The following PTGER3 variants were observed in gnomAD, a reference collection of about 807,000 sequenced individuals.
The protein encoded by PTGER3 is prostaglandin E2 receptor EP3 subtype.
Under a neutral mutation model 34.7 loss-of-function variants are expected in PTGER3, and 22 were observed. The observed-to-expected ratio is 0.63, with a 90% CI of 0.45 to 0.91. The LOEUF (loss-of-function observed/expected upper bound fraction) is 0.91, where lower values mean the gene tolerates loss of function less well. Among genes scored for constraint, PTGER3 ranks in the 40% least tolerant of loss-of-function variants. The probability of loss-of-function intolerance (pLI) is 0.00; values close to 1 mark genes in which losing one functional copy is unlikely to be tolerated. For synonymous variants in PTGER3, 241 were observed against 230.1 expected, an observed-to-expected ratio of 1.05 and a Z score of -0.43; for missense variants, 468 against 519.4, an observed-to-expected ratio of 0.90 and a Z score of 0.96.
At chr1:70,982,214 T>A (rs1654445420) in intron 2 of PTGER3, among the ~76,000 whole-genome samples, 1 of 152,200 alleles carries the variant, frequency 6.6e-6, no homozygotes, top group Non-Finnish European at 1.5e-5. Context: ...TTTTTCTCCA[T>A]GAAATTATTC....
At chr1:70,876,276 A>G (rs904457095) in intron 4 of PTGER3, among the ~76,000 whole-genome samples, 1 of 146,334 alleles carries the variant, frequency 6.8e-6, no homozygotes, top group Non-Finnish European at 1.5e-5. Context: ...CCTACTTTTT[A>G]ATGGGTTTTT....
chr1:70,889,180 C>A (rs1241361122), intron 4 of PTGER3, among the ~76,000 whole-genome samples: 2 of 151,858 alleles, frequency 1.3e-5, no homozygotes, highest in African/African-American at 4.8e-5. Flanking sequence ...TGTTGGGAGG[C>A]CGAGGTGGGT....
chr1:70,996,077 G>A (rs1655910454), intron 2 of PTGER3, among the ~76,000 whole-genome samples: 1 of 152,038 alleles, frequency 6.6e-6, no homozygotes, highest in Non-Finnish European at 1.5e-5. Context: ...CTTCCATAAG[G>A]CTACTCATTG....
chr1:70,893,268 G>T (rs542264512), intron 4 of PTGER3, among the ~76,000 whole-genome samples: 20 of 152,302 alleles, frequency 1.3e-4, no homozygotes, highest in Non-Finnish European at 2.6e-4. Context: ...CAGATGAGAA[G>T]CTGATGCTTA....
intron 2 of PTGER3, chr1:71,005,815 A>C (rs1291037153): frequency 2.1e-6 from 2 of 945,732 alleles, no homozygotes; most frequent in African/African-American, 3.6e-5. Flanking sequence ...GTTTACCAGC[A>C]TGATGGTGGA....
At chr1:71,010,707 A>T in intron 2 of PTGER3, 1 of 984,602 alleles carries the variant, frequency 1.0e-6, no homozygotes. Context: ...TCTATTTATC[A>T]CCTTTTCCAA....
intron 2 of PTGER3, chr1:71,008,624 CA>C (rs1657177203): frequency 1.0e-6 from 1 of 984,886 alleles, no homozygotes. Flanking sequence ...ACATCACAGA[CA>C]TCTGTCACTT....
downstream of PTGER3, chr1:70,950,967 C>T (rs983961111): frequency 3.9e-5 from 6 of 152,164 alleles, no homozygotes; most frequent in African/African-American, 1.2e-4. Context: ...CTGCCTGCCT[C>T]GGCCTCCAAA....
Position 70,993,743 on chromosome 1 carries a change from T to A in PTGER3, c.1077+18562A>T, listed in dbSNP as rs1445685767. 2.0e-5 allele frequency among the ~76,000 whole-genome samples: 3 copies of A among 152,078 alleles called. No homozygotes were observed. The East Asian group carries it at 5.8e-4, about 29-fold the overall frequency. On this transcript the variant is annotated intron_variant, in intron 2 of 3. Coordinates refer to ENST00000306666, the MANE Select transcript of PTGER3 (RefSeq NM_198719.2). ...GGTTAAGTATAGTAATAAGCAGAAA[T>A]TAGAAGCTGAATGCAAACCGAGTGA...
chr1:71,010,678 TAGAG>T, intron 2 of PTGER3: 1 of 984,002 alleles, frequency 1.0e-6, no homozygotes, highest in Middle Eastern at 5.2e-4. Flanking sequence ...TTCTATGGCA[TAGAG>T]AGATTTTAGT....
At chr1:70,888,861 G>A (rs142337028) in intron 4 of PTGER3, among the ~76,000 whole-genome samples, 4 of 152,144 alleles carry the variant, frequency 2.6e-5, no homozygotes, top group African/African-American at 7.2e-5. Flanking sequence ...TTTGGGATTC[G>A]CCTTCCCTCT....
At chr1:71,035,944 TAGG>T (rs1358108895) in intron 1 of PTGER3, among the ~76,000 whole-genome samples, 1 of 152,216 alleles carries the variant, frequency 6.6e-6, no homozygotes, top group Non-Finnish European at 1.5e-5. Flanking sequence ...AATGCATCAG[TAGG>T]AGATCTTCCT....
intron 4 of PTGER3, among the ~76,000 whole-genome samples, chr1:70,930,853 C>T (rs1648617347): frequency 1.3e-5 from 2 of 152,026 alleles, no homozygotes; most frequent in South Asian, 2.1e-4. Flanking sequence ...ATCATTCCTC[C>T]CCTGGCCCCT....
intron 1 of PTGER3, among the ~76,000 whole-genome samples, chr1:71,030,911 T>G (rs1487879214): frequency 1.3e-5 from 2 of 152,192 alleles, no homozygotes; most frequent in Non-Finnish European, 2.9e-5. Context: ...GAAAATATTT[T>G]TATAAACTAA....
chr1:70,884,255 C>T (rs958037818), intron 4 of PTGER3, among the ~76,000 whole-genome samples: 3 of 152,136 alleles, frequency 2.0e-5, no homozygotes, highest in African/African-American at 7.2e-5. Flanking sequence ...TTCTGATAGC[C>T]TCCAAGATAT....
chr1:71,028,125 ACTGGATCCTATGTGCTTCAGGG>A (rs1557756485), intron 1 of PTGER3, among the ~76,000 whole-genome samples: 3 of 152,140 alleles, frequency 2.0e-5, no homozygotes, highest in African/African-American at 7.2e-5. Context: ...AGTTATTTTC[ACTGGATCCTATGTGCTTCAGGG>A]CTGACCCCAT....
At chr1:70,909,931 G>A (rs1647028168) in intron 4 of PTGER3, among the ~76,000 whole-genome samples, 1 of 152,110 alleles carries the variant, frequency 6.6e-6, no homozygotes, top group Non-Finnish European at 1.5e-5. Flanking sequence ...CCCACTATGG[G>A]TTCAATGTAT....
chr1:70,925,496 T>C (rs1366531346), intron 4 of PTGER3, among the ~76,000 whole-genome samples: 1 of 152,170 alleles, frequency 6.6e-6, no homozygotes, highest in Non-Finnish European at 1.5e-5. Context: ...TTGTACATAA[T>C]AGCTAAACTT....
chr1:70,967,619 A>G (rs1464377049), downstream of PTGER3, among the ~76,000 whole-genome samples: 1 of 152,184 alleles, frequency 6.6e-6, no homozygotes, highest in South Asian at 2.1e-4. Context: ...ACACTTCTGT[A>G]GTCATAACTA....
Sources: allele counts gnomAD v4.1 joint callset (sites outside exome capture counted in the v4.1 genomes callset), GRCh38; gene constraint gnomAD v4.1.1; transcripts MANE v1.5; gene names NCBI Gene and HGNC (gene_info 2026-07-23, HGNC 2026-07-21).